AOAH: variants seen among roughly 807,000 people sequenced by gnomAD.
The protein encoded by AOAH is acyloxyacyl hydrolase, also known as acyloxyacyl hydrolase (neutrophil).
A neutral mutation model predicts 92.2 loss-of-function variants in AOAH; 64 were observed. That is an observed-to-expected ratio of 0.69 (90% confidence interval 0.57 to 0.86). The LOEUF (loss-of-function observed/expected upper bound fraction) is 0.86. AOAH is among the 40% of genes least tolerant of loss of function. The pLI is 0.00. For missense variants in AOAH, 656 were observed against 694.6 expected (o/e 0.94, Z 0.62); for synonymous variants, 263 against 254.5 (o/e 1.03, Z -0.32).
At chr7:36,545,804 A>G (rs113446509) in intron 15 of AOAH, among the ~76,000 whole-genome samples, 5,966 of 152,262 alleles carry the variant, frequency 0.039, 326 homozygotes, top group African/African-American at 0.12. Context: ...TGTTCGTTTC[A>G]GGGATGCTGC....
intron 11 of AOAH, chr7:36,598,284 G>C (rs1427167009): frequency 1.3e-5 from 2 of 152,212 alleles, no homozygotes; most frequent in Admixed American, 6.5e-5. Flanking sequence ...GCCAGGGTGA[G>C]TTTGTATTCC....
At chr7:36,533,867 C>T (rs192877303) in intron 16 of AOAH, among the ~76,000 whole-genome samples, 10 of 152,302 alleles carry the variant, frequency 6.6e-5, no homozygotes, top group Admixed American at 5.2e-4. Flanking sequence ...CGTCTCCCCA[C>T]CTTCTGTGAG....
At chr7:36,717,611 T>A in intron 1 of AOAH, among the ~76,000 whole-genome samples, 1 of 152,126 alleles carries the variant, frequency 6.6e-6, no homozygotes, top group East Asian at 1.9e-4. Context: ...CTCTCTGGGT[T>A]CCTGGCGGCC....
chr7:36,548,503 A>G, intron 15 of AOAH, 109 bp downstream of exon 15: 2 of 952,436 alleles, frequency 2.1e-6, no homozygotes, highest in Non-Finnish European at 3.3e-6. Flanking sequence ...TAAGATAGAG[A>G]AATTCAGCTG....
intron 11 of AOAH, among the ~76,000 whole-genome samples, chr7:36,600,446 T>A (rs540262959): frequency 6.6e-6 from 1 of 152,268 alleles, no homozygotes; most frequent in East Asian, 1.9e-4. Flanking sequence ...GTTGAAAGAA[T>A]CCCTTATGCA....
At chr7:36,595,370 C>A (rs1167765949) in intron 11 of AOAH, among the ~76,000 whole-genome samples, 1 of 152,012 alleles carries the variant, frequency 6.6e-6, no homozygotes, top group African/African-American at 2.4e-5. Flanking sequence ...TTGGTTTCTA[C>A]AAAAAATAAC....
chr7:36,652,234 A>T (rs1013449194), intron 4 of AOAH, among the ~76,000 whole-genome samples: 1 of 152,240 alleles, frequency 6.6e-6, no homozygotes, highest in Admixed American at 6.5e-5. Flanking sequence ...AAAAGGACAC[A>T]GGAGCCACCC....
chr7:36,679,682 G>A (rs957053160), intron 2 of AOAH, among the ~76,000 whole-genome samples: 4 of 149,134 alleles, frequency 2.7e-5, no homozygotes, highest in East Asian at 2.0e-4. Context: ...TTTTTGAGAC[G>A]GAGTCTTGCT....
rs181917448 is a variant in AOAH at position 36,646,003 on chromosome 7, A to T, written c.391-8093T>A. 1.8e-3 allele frequency among the ~76,000 whole-genome samples: 276 copies of T among 152,170 alleles called. 2 individuals are homozygous for T. Among genetic ancestry groups the T allele is most frequent in the African/African-American group, 6.5e-3 (268 of 41,516 alleles). On this transcript the variant is annotated intron_variant, in intron 4 of 20. Coordinates refer to ENST00000617537, the MANE Select transcript of AOAH (RefSeq NM_001637.4). ...CTATTCTCCAGGCAATACCTTTCTT[A>T]AAAAAAGCGTTATTTTAAACAGCAT...
intron 20 of AOAH, among the ~76,000 whole-genome samples, chr7:36,515,176 T>C (rs1412138624): frequency 1.5e-5 from 1 of 65,610 alleles, no homozygotes; most frequent in Non-Finnish European, 2.8e-5. Flanking sequence ...CACACAAACA[T>C]CACACATACC....
intron 11 of AOAH, among the ~76,000 whole-genome samples, chr7:36,615,801 T>C (rs1414227630): frequency 6.6e-6 from 1 of 152,228 alleles, no homozygotes; most frequent in South Asian, 2.1e-4. Flanking sequence ...ACACCTGATA[T>C]AGAGTCAATA....
At chr7:36,678,085 A>T (rs919303097) in intron 2 of AOAH, among the ~76,000 whole-genome samples, 1 of 152,256 alleles carries the variant, frequency 6.6e-6, no homozygotes, top group Non-Finnish European at 1.5e-5. Context: ...TGTACACTTT[A>T]AATGAGTGAA....
At chr7:36,716,961 C>T (rs1252183578) in intron 1 of AOAH, among the ~76,000 whole-genome samples, 1 of 144,230 alleles carries the variant, frequency 6.9e-6, no homozygotes, top group Non-Finnish European at 1.5e-5. Context: ...TACCCTAAAA[C>T]TTAAAGTATA....
intron 11 of AOAH, among the ~76,000 whole-genome samples, chr7:36,598,607 T>G (rs964751077): frequency 6.6e-6 from 1 of 152,216 alleles, no homozygotes; most frequent in Non-Finnish European, 1.5e-5. Context: ...TAGTGTCCCT[T>G]TCCAAGTGAA....
intron 3 of AOAH, among the ~76,000 whole-genome samples, chr7:36,664,159 T>A (rs1399271578): frequency 6.6e-6 from 1 of 152,098 alleles, no homozygotes; most frequent in Non-Finnish European, 1.5e-5. Context: ...TTTCTCTGAG[T>A]CTATTTATTT....
intron 1 of AOAH, among the ~76,000 whole-genome samples, chr7:36,719,200 T>C (rs1157100494): frequency 2.0e-4 from 31 of 152,234 alleles, no homozygotes; most frequent in Admixed American, 2.0e-3. Context: ...AGATGGCTTA[T>C]CATACAGTCA....
intron 5 of AOAH, 123 bp downstream of exon 5, chr7:36,637,728 G>T (rs1207072991): frequency 1.2e-6 from 1 of 827,104 alleles, no homozygotes; most frequent in Non-Finnish European, 2.0e-6. Context: ...CCATCCCCAC[G>T]TAGCTATGGC....
At chr7:36,633,706 T>C (rs1793311905) in intron 5 of AOAH, among the ~76,000 whole-genome samples, 1 of 151,770 alleles carries the variant, frequency 6.6e-6, no homozygotes, top group South Asian at 2.1e-4. Flanking sequence ...GCCGTGGAGG[T>C]GTCAGGCAGA....
chr7:36,623,768 T>A (rs1185178183), intron 6 of AOAH, among the ~76,000 whole-genome samples: 1 of 152,196 alleles, frequency 6.6e-6, no homozygotes, highest in Non-Finnish European at 1.5e-5. Context: ...ACGAAATAAA[T>A]TGATGCCAAA....
Sources: allele counts gnomAD v4.1 joint callset (sites outside exome capture counted in the v4.1 genomes callset), GRCh38; gene constraint gnomAD v4.1.1; transcripts MANE v1.5; gene names NCBI Gene and HGNC (gene_info 2026-07-23, HGNC 2026-07-21).